ERBB4: variants seen among roughly 807,000 people sequenced by gnomAD.
ERBB4 encodes receptor tyrosine-protein kinase erbB-4.
A neutral mutation model predicts 158.0 loss-of-function variants in ERBB4; 42 were observed. The ratio of observed to expected loss-of-function variants is 0.27; its 90% CI spans 0.21 to 0.34. The LOEUF (loss-of-function observed/expected upper bound fraction) is 0.34. Among genes scored for constraint, ERBB4 ranks in the 10% least tolerant of loss-of-function variants. The pLI is 1.00. For missense variants in ERBB4, 1,333 were observed against 1,624.1 expected, an observed-to-expected ratio of 0.82 and a Z score of 3.08; for synonymous variants, 583 against 558.7, an observed-to-expected ratio of 1.04 and a Z score of -0.61.
intron 19 of ERBB4, among the ~76,000 whole-genome samples, chr2:211,582,484 T>C (rs1398767751): frequency 6.6e-6 from 1 of 152,170 alleles, no homozygotes; most frequent in Non-Finnish European, 1.5e-5. Context: ...GAAGACTAAA[T>C]ATGAGATTCT....
intron 19 of ERBB4, among the ~76,000 whole-genome samples, chr2:211,601,790 A>G (rs1463078153): frequency 6.6e-6 from 1 of 152,050 alleles, no homozygotes; most frequent in Non-Finnish European, 1.5e-5. Flanking sequence ...GAAAGATGGG[A>G]AGACAGGAAA....
At chr2:212,127,562 A>C (rs1475042775) in intron 1 of ERBB4, among the ~76,000 whole-genome samples, 2 of 152,210 alleles carry the variant, frequency 1.3e-5, no homozygotes, top group East Asian at 3.9e-4. Context: ...ACTGCACTCC[A>C]GCCTGGGCAA....
intron 3 of ERBB4, among the ~76,000 whole-genome samples, chr2:211,929,133 T>C (rs16847214): frequency 0.044 from 6,694 of 152,174 alleles, 157 homozygotes; most frequent in Admixed American, 0.067. Flanking sequence ...CAGTTTGTGA[T>C]CTCAAATTCT....
chr2:212,399,545 CATATATATATATATAT>C (rs869111881), intron 1 of ERBB4, among the ~76,000 whole-genome samples: 664 of 38,078 alleles, frequency 0.017, 11 homozygotes, highest in African/African-American at 0.026. Context: ...TTTATATATA[CATATATATATATATAT>C]ATATATATAT....
At chr2:212,223,417 A>G (rs1057411346) in intron 1 of ERBB4, among the ~76,000 whole-genome samples, 5 of 76,810 alleles carry the variant, frequency 6.5e-5, no homozygotes, top group Admixed American at 3.1e-4. Flanking sequence ...TATCAAATAT[A>G]TATATATATA....
At chr2:212,401,714 TTATTA>T (rs751814688) in intron 1 of ERBB4, among the ~76,000 whole-genome samples, 1 of 152,134 alleles carries the variant, frequency 6.6e-6, no homozygotes, top group Non-Finnish European at 1.5e-5. Context: ...ATGGATTGCG[TTATTA>T]TATAATTTTT....
chr2:211,574,414 C>A (rs2067831924), intron 19 of ERBB4, among the ~76,000 whole-genome samples: 1 of 152,078 alleles, frequency 6.6e-6, no homozygotes, highest in South Asian at 2.1e-4. Flanking sequence ...AAAGTAATCA[C>A]AATAACACTA....
rs2125846989 is a variant in ERBB4 at position 211,619,183 on chromosome 2, G to A, written c.2295C>T (p.Phe765=). ...CCTGGGTGTCTGTACTTACATCCAT[G>A]AACTCCACATTTGCCTTGGGACCAG... ...ETTGPKANVE[F]MDEALIMASM... Residue 765 remains phenylalanine (F), a synonymous_variant, in exon 19 of 28, where the codon TTC becomes TTT. Coordinates refer to ENST00000342788, the MANE Select transcript of ERBB4 (RefSeq NM_005235.3). 3 of 1,585,992 alleles carry A rather than the reference G, an allele frequency of 1.9e-6. No homozygotes were observed. Among genetic ancestry groups the A allele is most frequent in the Non-Finnish European group, 2.6e-6 (3 of 1,154,730 alleles).
At chr2:212,142,105 T>G (rs976255164) in intron 1 of ERBB4, among the ~76,000 whole-genome samples, 4 of 152,184 alleles carry the variant, frequency 2.6e-5, no homozygotes, top group Admixed American at 6.5e-5. Context: ...TTCAAAATGC[T>G]GATTATCAAT....
Position 211,378,234 on chromosome 2 carries a change from C to T in ERBB4, c.*5381G>A, listed in dbSNP as rs2062513182. On this transcript the variant is annotated 3_prime_UTR_variant, in exon 28 of 28. Transcript: ENST00000342788. ...ATCACTTACTTGCAAAGCTGACTGT[C>T]AAAGAGTATTTTCCAGAGGAAGCAT... 2 of 232,830 alleles carry T rather than the reference C, an allele frequency of 8.6e-6. No individual in the cohort carries two copies. The allele number at this position is 232,830 out of a possible 1,614,324, so 14.4% of individuals were successfully genotyped here. A position where few individuals can be genotyped will look rare whatever the true frequency, so the allele number is the denominator to read the frequency against.
Position 211,505,821 on chromosome 2 carries a change from G to A in ERBB4, c.2487+56082C>T, listed in dbSNP as rs182214822. On this transcript the variant is annotated intron_variant, in intron 20 of 27. Coordinates refer to ENST00000342788, the MANE Select transcript of ERBB4 (RefSeq NM_005235.3). ...TAAAAATACAAAAAATTAGCTAGGC[G>A]TGGTAGTGGGTGCCTATAATCCCAG... 2.8e-3 allele frequency among the ~76,000 whole-genome samples: 423 copies of A among 152,076 alleles called. 1 individual carries two copies. The highest frequency in any genetic ancestry group is 9.1e-3 in the African/African-American group (376 of 41,532).
At chr2:212,123,123 C>T (rs184291736) in intron 2 of ERBB4, among the ~76,000 whole-genome samples, 4 of 152,288 alleles carry the variant, frequency 2.6e-5, no homozygotes, top group Non-Finnish European at 5.9e-5. Context: ...TCTTTTGGGC[C>T]GGGCGCGGTG....
At chr2:212,090,304 C>T (rs1280222739) in intron 2 of ERBB4, among the ~76,000 whole-genome samples, 1 of 152,156 alleles carries the variant, frequency 6.6e-6, no homozygotes, top group Non-Finnish European at 1.5e-5. Flanking sequence ...GCTATTATAA[C>T]AGTTATTCAA....
intron 25 of ERBB4, among the ~76,000 whole-genome samples, chr2:211,413,309 A>AAAAAAAAAAAAAACACACAC (rs1553524037): frequency 3.2e-5 from 3 of 94,558 alleles, no homozygotes; most frequent in African/African-American, 1.2e-4. Context: ...CTGTCTTAAA[A>AAAAAAAAAAAAAACACACAC]ACACACACAC....
At chr2:212,165,953 G>C (rs1158122612) in intron 1 of ERBB4, among the ~76,000 whole-genome samples, 2 of 151,888 alleles carry the variant, frequency 1.3e-5, no homozygotes, top group Admixed American at 1.3e-4. Context: ...TTGCAAAATA[G>C]TAACTATGTT....
intron 4 of ERBB4, among the ~76,000 whole-genome samples, chr2:211,785,285 T>C (rs1466865550): frequency 6.6e-6 from 1 of 152,044 alleles, no homozygotes; most frequent in African/African-American, 2.4e-5. Flanking sequence ...GTATTTTTAG[T>C]AGAGGCGGGG....
intron 20 of ERBB4, among the ~76,000 whole-genome samples, chr2:211,527,025 G>C (rs2066368217): frequency 2.6e-5 from 4 of 151,880 alleles, no homozygotes; most frequent in Admixed American, 2.6e-4. Context: ...TGGGTAGAAA[G>C]TTTATTTAAA....
intron 1 of ERBB4, among the ~76,000 whole-genome samples, chr2:212,188,931 A>C (rs539920821): frequency 9.2e-5 from 14 of 152,124 alleles, no homozygotes; most frequent in Non-Finnish European, 1.9e-4. Flanking sequence ...ACATTCATTA[A>C]GAGCTAAAAA....
intron 13 of ERBB4, among the ~76,000 whole-genome samples, chr2:211,678,318 CA>C (rs60505220): frequency 0.1 from 14,414 of 144,188 alleles, 700 homozygotes; most frequent in Admixed American, 0.15. Flanking sequence ...AACAAACAAA[CA>C]AAAAAAAAAA....
Sources: allele counts gnomAD v4.1 joint callset (sites outside exome capture counted in the v4.1 genomes callset), GRCh38; gene constraint gnomAD v4.1.1; transcripts MANE v1.5; gene names NCBI Gene and HGNC (gene_info 2026-07-23, HGNC 2026-07-21).